The following TRAPPC10 variants were observed in gnomAD, a reference collection of about 807,000 sequenced individuals.
TRAPPC10 encodes TRAPP 130 kDa subunit.
A neutral mutation model predicts 125.5 loss-of-function variants in TRAPPC10; 23 were observed. The ratio of observed to expected loss-of-function variants is 0.18; its 90% CI spans 0.13 to 0.26. The LOEUF (loss-of-function observed/expected upper bound fraction) is 0.26. Ranked by LOEUF, TRAPPC10 falls within the 10% of genes least tolerant of loss-of-function variation. The pLI, the probability that TRAPPC10 is intolerant of heterozygous loss-of-function variation, is 1.00. For missense variants in TRAPPC10, 1,123 were observed against 1,308.4 expected (o/e 0.86, Z 2.19); for synonymous variants, 509 against 518.0 (o/e 0.98, Z 0.24).
At chr21:44,015,624 T>C (rs1376070665) in intron 1 of TRAPPC10, among the ~76,000 whole-genome samples, 2 of 151,736 alleles carry the variant, frequency 1.3e-5, no homozygotes, top group African/African-American at 2.4e-5. Flanking sequence ...TTTTTTTTTT[T>C]TTCTGTCTGA....
At chr21:44,074,811 C>T (rs1014164639) in intron 8 of TRAPPC10, among the ~76,000 whole-genome samples, 3 of 152,328 alleles carry the variant, frequency 2.0e-5, no homozygotes, top group East Asian at 3.9e-4. Context: ...GCAGGCGTAG[C>T]CTGGGGAACT....
At chr21:44,093,901 T>G (rs965960936) in intron 19 of TRAPPC10, among the ~76,000 whole-genome samples, 162 bp from the exon 20 acceptor site, 2 of 152,172 alleles carry the variant, frequency 1.3e-5, no homozygotes, top group Non-Finnish European at 2.9e-5. Context: ...CAGGGACAGG[T>G]GCTGTGGGGC....
intron 9 of TRAPPC10, among the ~76,000 whole-genome samples, chr21:44,075,436 C>T (rs1345272998): frequency 6.6e-6 from 1 of 152,052 alleles, no homozygotes; most frequent in Non-Finnish European, 1.5e-5. Context: ...AAATGCACCA[C>T]TGTCTCTCTG....
At position 44,035,758 on chromosome 21, in the gene TRAPPC10, C is replaced by G. The variant is rs147767855; in HGVS notation, c.150-2034C>G. The stretch of plus-strand genomic sequence containing the variant: ...CACCATTACACTCCAGCCTGGGTGA[C>G]AAGAGCAAAACTCTGGCTCAAAAAA... On this transcript the variant is annotated intron_variant, in intron 2 of 22. Transcript: ENST00000291574. 9.9e-5 allele frequency among the ~76,000 whole-genome samples: 15 copies of G among 152,070 alleles called. No homozygotes were observed. The East Asian group carries it at 2.3e-3, about 23-fold the overall frequency.
chr21:44,035,363 A>T (rs2033913723), intron 2 of TRAPPC10, among the ~76,000 whole-genome samples: 1 of 152,102 alleles, frequency 6.6e-6, no homozygotes, highest in African/African-American at 2.4e-5. Flanking sequence ...TGTTGCTTAT[A>T]ATTTACCCAG....
chr21:44,055,628 A>G (rs541748674), intron 4 of TRAPPC10, 70 bp from the exon 5 acceptor site: 12 of 1,279,150 alleles, frequency 9.4e-6, no homozygotes, highest in Non-Finnish European at 1.2e-5. Context: ...GCTCAGGACA[A>G]TGGCAGCTGC....
At position 44,089,794 on chromosome 21, in the gene TRAPPC10, G is replaced by T. The variant is rs368084163; in HGVS notation, c.2770-39G>T. On this transcript the variant is annotated intron_variant, in intron 17 of 22. Coordinates refer to ENST00000291574, the MANE Select transcript of TRAPPC10 (RefSeq NM_003274.5). ...AGTGGTGGTGGCTGTGCTGTCCGTCGGCGAGTGGTCTGAGAGTGTCTTTGT... is the reference window on the plus strand; with the variant it reads ...AGTGGTGGTGGCTGTGCTGTCCGTCTGCGAGTGGTCTGAGAGTGTCTTTGT... The T allele has an allele frequency of 1.2e-5, 19 of 1,537,900 alleles. No individual in the cohort carries two copies. In the Middle Eastern group the frequency reaches 5.1e-4, roughly 41 times the overall value.
At chr21:44,018,862 AT>A (rs1219769280) in intron 1 of TRAPPC10, among the ~76,000 whole-genome samples, 1 of 151,948 alleles carries the variant, frequency 6.6e-6, no homozygotes, top group African/African-American at 2.4e-5. Context: ...TGACTTAAGG[AT>A]TTTTTTGTCG....
At chr21:44,039,271 G>A (rs1043079392) in intron 3 of TRAPPC10, among the ~76,000 whole-genome samples, 25 of 152,238 alleles carry the variant, frequency 1.6e-4, no homozygotes, top group African/African-American at 5.3e-4. Context: ...TCTGGGGAGC[G>A]CCTGCAAGGG....
At chr21:44,074,239 C>G in intron 7 of TRAPPC10, 85 bp from the exon 8 acceptor site, 1 of 1,545,884 alleles carries the variant, frequency 6.5e-7, no homozygotes, top group Non-Finnish European at 8.8e-7. Context: ...GAGGGTTTTG[C>G]ACGTTCAAGC....
chr21:44,062,684 G>A (rs1327218535), intron 6 of TRAPPC10: 1 of 985,246 alleles, frequency 1.0e-6, no homozygotes, highest in Non-Finnish European at 1.2e-6. Flanking sequence ...ACACTGCTGG[G>A]TGCTCCAATA....
intron 1 of TRAPPC10, among the ~76,000 whole-genome samples, chr21:44,018,851 C>G (rs1326063146): frequency 1.3e-5 from 2 of 152,128 alleles, no homozygotes; most frequent in Non-Finnish European, 1.5e-5. Context: ...ATACAAATAA[C>G]TGACTTAAGG....
intron 1 of TRAPPC10, among the ~76,000 whole-genome samples, chr21:44,028,875 T>G (rs2033315920): frequency 6.6e-6 from 1 of 152,182 alleles, no homozygotes; most frequent in South Asian, 2.1e-4. Flanking sequence ...TGGGTTTCGC[T>G]CATGCCTCTG....
In TRAPPC10 at chr21:44,087,208, G is replaced by A. The variant is rs1237882129; in HGVS notation, c.2539+248G>A. Among the ~76,000 whole-genome samples, 1 of 152,220 alleles carries A rather than the reference G, an allele frequency of 6.6e-6. No individual in the cohort carries two copies. Among genetic ancestry groups the A allele is most frequent in the Non-Finnish European group, 1.5e-5 (1 of 68,036 alleles). ...TCTGGCTGAGGATTAGGAGATGGGG[G>A]TCACGGCTGGGGTCACGTTCCATGG... On this transcript the variant is annotated intron_variant, in intron 16 of 22. Coordinates refer to ENST00000291574, the MANE Select transcript of TRAPPC10 (RefSeq NM_003274.5). This position sits in a 1 kb window ranked among gnomAD's most constrained non-coding sequence, Gnocchi z 4.6.
chr21:44,023,482 T>G (rs752873790), intron 1 of TRAPPC10, among the ~76,000 whole-genome samples: 24 of 152,180 alleles, frequency 1.6e-4, no homozygotes, highest in Non-Finnish European at 2.2e-4. Context: ...TGTTGCCTCG[T>G]TGGTGAGCAG....
At chr21:44,071,883 A>G (rs2036895082) in intron 7 of TRAPPC10, among the ~76,000 whole-genome samples, 1 of 152,086 alleles carries the variant, frequency 6.6e-6, no homozygotes, top group Admixed American at 6.5e-5. Flanking sequence ...GCTCACCTTC[A>G]GGTTTCTGTT....
At chr21:44,025,999 T>C (rs1199268932) in intron 1 of TRAPPC10, among the ~76,000 whole-genome samples, 1 of 151,988 alleles carries the variant, frequency 6.6e-6, no homozygotes, top group Non-Finnish European at 1.5e-5. Flanking sequence ...AGACTTGGCC[T>C]TTAAACTTGG....
At chr21:44,040,425 C>G (rs1407567510) in intron 3 of TRAPPC10, among the ~76,000 whole-genome samples, 1 of 152,010 alleles carries the variant, frequency 6.6e-6, no homozygotes, top group Non-Finnish European at 1.5e-5. Context: ...TCACTGCAAC[C>G]TCAACCTCCC....
chr21:44,034,992 T>C (rs2033884599), intron 2 of TRAPPC10, among the ~76,000 whole-genome samples: 1 of 152,214 alleles, frequency 6.6e-6, no homozygotes, highest in Non-Finnish European at 1.5e-5. Context: ...AATAAGCTAA[T>C]GTCCTAAGCC....
Sources: gnomAD v4.1 joint callset for allele counts (sites outside exome capture counted in the v4.1 genomes callset) on GRCh38, gnomAD v4.1.1 for gene constraint, Gnocchi (gnomAD v3.1) non-coding constraint, MANE v1.5 for transcripts, NCBI Gene and HGNC (gene_info 2026-07-23, HGNC 2026-07-21) for gene names.